USP25: variants seen among roughly 807,000 people sequenced by gnomAD.
USP25 encodes the protein ubiquitin carboxyl-terminal hydrolase 25.
USP25 carries 85 observed loss-of-function variants against 158.5 expected under a neutral mutation model. That is an observed-to-expected ratio of 0.54 (90% confidence interval 0.45 to 0.64). The LOEUF is 0.64. USP25 is among the 30% of genes least tolerant of loss of function. USP25 has a pLI of 0.00. For synonymous variants in USP25, 464 were observed against 460.4 expected, an observed-to-expected ratio of 1.01 and a Z score of -0.10; for missense variants, 1,242 against 1,327.3, an observed-to-expected ratio of 0.94 and a Z score of 1.00.
chr21:15,848,936 A>G (rs1043358074), intron 19 of USP25, among the ~76,000 whole-genome samples: 1 of 152,130 alleles, frequency 6.6e-6, no homozygotes, highest in African/African-American at 2.4e-5. Context: ...GAGTAATTTC[A>G]CTTTGCAGAT....
At chr21:15,812,007 A>G (rs1176566409) in intron 9 of USP25, among the ~76,000 whole-genome samples, 1 of 152,128 alleles carries the variant, frequency 6.6e-6, no homozygotes, top group Non-Finnish European at 1.5e-5. Flanking sequence ...TGGGATTCAG[A>G]AAAAGACAAT....
chr21:15,854,941 G>A (rs1299792599), intron 20 of USP25, among the ~76,000 whole-genome samples: 1 of 152,158 alleles, frequency 6.6e-6, no homozygotes, highest in Non-Finnish European at 1.5e-5. Flanking sequence ...CCAAATAATA[G>A]TGGCTTACGG....
At chr21:15,753,086 A>G (rs1017068033) in intron 1 of USP25, among the ~76,000 whole-genome samples, 2 of 152,206 alleles carry the variant, frequency 1.3e-5, no homozygotes, top group African/African-American at 4.8e-5. Context: ...CCTCTAGGGA[A>G]AGTGACAGGG....
intron 21 of USP25, 67 bp downstream of exon 21, chr21:15,864,513 A>T: frequency 1.4e-6 from 2 of 1,402,444 alleles, no homozygotes; most frequent in East Asian, 2.5e-5. Flanking sequence ...GATTCCCAGG[A>T]TAATTTTTTG....
At chr21:15,769,597 C>T (rs535182300) in intron 3 of USP25, among the ~76,000 whole-genome samples, 13 of 152,108 alleles carry the variant, frequency 8.5e-5, no homozygotes, top group South Asian at 6.2e-4. Context: ...GACCAGGACA[C>T]GATACCCGGT....
chr21:15,830,661 C>A, intron 15 of USP25, 60 bp downstream of exon 15: 1 of 1,303,108 alleles, frequency 7.7e-7, no homozygotes, highest in Non-Finnish European at 1.0e-6. Flanking sequence ...TTTTAATTTA[C>A]CTTTACATTA....
intron 8 of USP25, 33 bp from the exon 9 acceptor site, chr21:15,811,104 G>A (rs557564423): frequency 1.3e-6 from 2 of 1,575,396 alleles, no homozygotes; most frequent in African/African-American, 1.4e-5. Flanking sequence ...TCCGAAAATT[G>A]TAATCACATT....
At chr21:15,851,775 G>C (rs1159328909) in intron 20 of USP25, among the ~76,000 whole-genome samples, 1 of 151,518 alleles carries the variant, frequency 6.6e-6, no homozygotes, top group Admixed American at 6.6e-5. Flanking sequence ...TATCTTCTTG[G>C]GACATCTATT....
At chr21:15,739,622 G>GT (rs1239062736) in intron 1 of USP25, among the ~76,000 whole-genome samples, 8 of 152,116 alleles carry the variant, frequency 5.3e-5, no homozygotes, top group South Asian at 2.1e-4. Context: ...TTAGAGTAAG[G>GT]TGTCTACAGG....
At chr21:15,776,131 C>T (rs1420765291) in intron 3 of USP25, among the ~76,000 whole-genome samples, 2 of 152,012 alleles carry the variant, frequency 1.3e-5, no homozygotes, top group African/African-American at 4.8e-5. Flanking sequence ...ATGTTCAGTT[C>T]TGGGTTACAC....
intron 20 of USP25, among the ~76,000 whole-genome samples, chr21:15,854,295 G>A (rs542400015): frequency 2.6e-5 from 4 of 152,014 alleles, no homozygotes; most frequent in African/African-American, 7.2e-5. Flanking sequence ...ACAGGGGCCC[G>A]CCACCACACC....
chr21:15,855,205 G>A (rs1294058294), intron 20 of USP25, among the ~76,000 whole-genome samples: 1 of 151,812 alleles, frequency 6.6e-6, no homozygotes, highest in Non-Finnish European at 1.5e-5. Context: ...TACCCTTAGG[G>A]TTTTATTGAA....
chr21:15,839,926 C>T (rs2038249463), intron 17 of USP25, among the ~76,000 whole-genome samples: 1 of 152,078 alleles, frequency 6.6e-6, no homozygotes, highest in Non-Finnish European at 1.5e-5. Context: ...TTAAGATCTT[C>T]CTCATATCCC....
chr21:15,761,690 G>A (rs459495), intron 1 of USP25, among the ~76,000 whole-genome samples: 144,691 of 152,242 alleles, frequency 0.95, 68,848 homozygotes, highest in Non-Finnish European at 0.98. Flanking sequence ...TCCTGTAGGA[G>A]GAATCAGGGG....
chr21:15,874,378 T>C, intron 23 of USP25, 25 bp from the exon 24 acceptor site: 2 of 1,573,516 alleles, frequency 1.3e-6, no homozygotes, highest in Non-Finnish European at 1.7e-6. Context: ...ATACTAATGT[T>C]ATATGTTTCT....
At chr21:15,750,943 TTA>T (rs781203278) in intron 1 of USP25, among the ~76,000 whole-genome samples, 12 of 152,134 alleles carry the variant, frequency 7.9e-5, no homozygotes, top group South Asian at 4.1e-4. Flanking sequence ...AACTGTAGAA[TTA>T]TATTATTAAT....
intron 1 of USP25, among the ~76,000 whole-genome samples, chr21:15,741,713 T>A (rs2032074117): frequency 6.6e-6 from 1 of 152,190 alleles, no homozygotes; most frequent in Non-Finnish European, 1.5e-5. Flanking sequence ...GCTGCATTCT[T>A]CCAAGTCTTA....
In USP25 at chr21:15,843,591, T is replaced by C. The variant is rs2038443633; in HGVS notation, c.2337+1051T>C. On this transcript the variant is annotated intron_variant, in intron 18 of 25. Transcript: ENST00000400183. The surrounding 1 kb of genome is among the most constrained non-coding windows in gnomAD (Gnocchi z 4.0). ...AAATGTATTAATTTAAATAGATATT[T>C]GATGATTCCAAATTTTGCAAATGCC... Among the ~76,000 whole-genome samples, 1 of 152,242 alleles carries C rather than the reference T, an allele frequency of 6.6e-6. No homozygotes were observed. Among genetic ancestry groups the C allele is most frequent in the African/African-American group, 2.4e-5 (1 of 41,474 alleles).
At chr21:15,740,158 T>C (rs983099661) in intron 1 of USP25, among the ~76,000 whole-genome samples, 1 of 152,234 alleles carries the variant, frequency 6.6e-6, no homozygotes, top group African/African-American at 2.4e-5. Flanking sequence ...TGCAGACTTC[T>C]GTGCCTCACC....
Sources: allele counts gnomAD v4.1 joint callset (sites outside exome capture counted in the v4.1 genomes callset), GRCh38; gene constraint gnomAD v4.1.1; non-coding constraint Gnocchi (gnomAD v3.1); transcripts MANE v1.5; gene names NCBI Gene and HGNC (gene_info 2026-07-23, HGNC 2026-07-21).